MEGF11: variants seen among roughly 807,000 people sequenced by gnomAD.
MEGF11 encodes multiple EGF like domains 11, also known as multiple epidermal growth factor-like domains protein 11.
Under a neutral mutation model 146.6 loss-of-function variants are expected in MEGF11, and 126 were observed. The ratio of observed to expected loss-of-function variants is 0.86; its 90% CI spans 0.74 to 1.00. The LOEUF (loss-of-function observed/expected upper bound fraction) is 1.00. Ranked by LOEUF, MEGF11 falls within the 50% of genes least tolerant of loss-of-function variation. MEGF11 has a pLI of 0.00. For synonymous variants in MEGF11, 532 were observed against 583.4 expected (o/e 0.91, Z 1.27); for missense variants, 1,509 against 1,521.2 (o/e 0.99, Z 0.13).
intron 1 of MEGF11, among the ~76,000 whole-genome samples, chr15:66,227,959 G>A (rs1567291473): frequency 6.6e-6 from 1 of 152,088 alleles, no homozygotes; most frequent in Non-Finnish European, 1.5e-5. Context: ...GGGCATCTGG[G>A]GTGAGGCCAC....
rs66595752 is a variant in MEGF11 at position 66,150,823 on chromosome 15, C to CGAGA, written c.-8-22416_-8-22413dup. Among the ~76,000 whole-genome samples the CGAGA allele has an allele frequency of 2.9e-3, 306 of 104,342 alleles. 5 individuals carry two copies. Among genetic ancestry groups the CGAGA allele is most frequent in the African/African-American group, 6.4e-3 (164 of 25,776 alleles). 68.5% of individuals were successfully genotyped at this position (104,342 alleles called of 152,430 possible). Reference sequence around the variant, plus strand: ...CCTGGGCAATAGAGCAATGCCCTGTCGAGAGAGAGAGAGAGAGAGAGAGAG... The same window carrying CGAGA: ...CCTGGGCAATAGAGCAATGCCCTGTCGAGAGAGAGAGAGAGAGAGAGAGAGAGAG... On this transcript the variant is annotated intron_variant, in intron 1 of 25. Coordinates refer to ENST00000395614, the MANE Select transcript of MEGF11 (RefSeq NM_001385028.1).
intron 5 of MEGF11, among the ~76,000 whole-genome samples, chr15:66,057,877 T>G (rs1456273000): frequency 6.6e-6 from 1 of 152,226 alleles, no homozygotes; most frequent in Non-Finnish European, 1.5e-5. Context: ...GTCTTCTCAA[T>G]ACTTTATTGT....
intron 6 of MEGF11, among the ~76,000 whole-genome samples, chr15:65,981,589 T>C (rs542180470): frequency 4.8e-4 from 73 of 152,278 alleles, no homozygotes; most frequent in African/African-American, 1.8e-3. Flanking sequence ...ATCTAGGCTG[T>C]TGGAGAGGCC....
intron 4 of MEGF11, among the ~76,000 whole-genome samples, chr15:66,098,193 G>T (rs11633590): frequency 2.0e-5 from 3 of 151,946 alleles, no homozygotes; most frequent in Non-Finnish European, 4.4e-5. Flanking sequence ...TAAGCAGGCC[G>T]GGACCCAGGA....
chr15:66,140,042 G>A (rs755385962), intron 1 of MEGF11, among the ~76,000 whole-genome samples: 35 of 152,042 alleles, frequency 2.3e-4, no homozygotes, highest in Non-Finnish European at 4.0e-4. Context: ...AGTCCTCACC[G>A]GCGCATTTCA....
chr15:66,215,979 T>C (rs889908013), intron 1 of MEGF11, among the ~76,000 whole-genome samples: 1 of 152,152 alleles, frequency 6.6e-6, no homozygotes, highest in Non-Finnish European at 1.5e-5. Context: ...TAAAGGGAAT[T>C]ATGCACATAA....
chr15:65,916,900 C>T lies in MEGF11; in HGVS notation c.2143G>A (p.Gly715Arg), dbSNP rs199594287. ...ACFHACSCHNGASCSAEDGAC... is the reference protein window; with the variant it reads ...ACFHACSCHNRASCSAEDGAC... The stretch of plus-strand genomic sequence containing the variant: ...CCGTCCTCGGCGCTGCAGCTCGCCC[C>T]GTTGTGGCAGCTGCATGCGTGGAAG... Residue 715 changes from glycine (G) to arginine (R), a missense_variant, in exon 17 of 26, where the codon GGG (glycine) becomes AGG (arginine). Physicochemically the swap from Gly to Arg is moderately radical, Grantham distance 125. Transcript: ENST00000395614. 360 of 1,580,508 alleles carry T rather than the reference C, an allele frequency of 2.3e-4. 3 individuals are homozygous for T. The highest frequency in any genetic ancestry group is 2.0e-3 in the South Asian group (169 of 86,228).
intron 1 of MEGF11, among the ~76,000 whole-genome samples, chr15:66,222,533 C>T (rs1416414252): frequency 6.6e-6 from 1 of 152,192 alleles, no homozygotes; most frequent in Non-Finnish European, 1.5e-5. Context: ...GTGTTCGTCT[C>T]CCGCACAATT....
rs1320121266 is a variant in MEGF11 at position 65,972,287 on chromosome 15, C to G, written c.763-1598G>C. The stretch of plus-strand genomic sequence containing the variant: ...TTCCCAGAATGGAAGGATGGAGAAC[C>G]TGGGTTTCTGAACTGAAAAGGCCTA... On this transcript the variant is annotated intron_variant, in intron 7 of 25. Coordinates refer to ENST00000395614, the MANE Select transcript of MEGF11 (RefSeq NM_001385028.1). Among the ~76,000 whole-genome samples, 3 of 152,100 alleles carry G rather than the reference C, an allele frequency of 2.0e-5. No homozygotes were observed. The East Asian group carries it at 5.8e-4, about 29-fold the overall frequency.
intron 9 of MEGF11, among the ~76,000 whole-genome samples, chr15:65,964,193 C>T (rs994728937): frequency 6.6e-6 from 1 of 152,194 alleles, no homozygotes; most frequent in Non-Finnish European, 1.5e-5. Flanking sequence ...GGAGCAGTAG[C>T]CCAGAACAGC....
chr15:66,172,547 G>A (rs1365901599), intron 1 of MEGF11, among the ~76,000 whole-genome samples: 1 of 152,118 alleles, frequency 6.6e-6, no homozygotes, highest in Admixed American at 6.5e-5. Context: ...CCTGTGTCAT[G>A]AAGATCACAG....
At chr15:65,915,304 T>C (rs866050287) in intron 19 of MEGF11, among the ~76,000 whole-genome samples, 166 bp downstream of exon 19, 5 of 152,210 alleles carry the variant, frequency 3.3e-5, no homozygotes, top group South Asian at 2.1e-4. Flanking sequence ...CTGCTCCTTA[T>C]GCCTCTTCAG....
intron 1 of MEGF11, among the ~76,000 whole-genome samples, chr15:66,252,708 T>A (rs2092393537): frequency 6.6e-6 from 1 of 152,206 alleles, no homozygotes; most frequent in Non-Finnish European, 1.5e-5. Flanking sequence ...TTTTAAGTAG[T>A]ATTTTTTCTA....
intron 1 of MEGF11, among the ~76,000 whole-genome samples, chr15:66,148,727 C>T (rs2089460239): frequency 6.6e-6 from 1 of 152,206 alleles, no homozygotes; most frequent in Admixed American, 6.5e-5. Context: ...TTGACAAGCA[C>T]AGGGTTGAGG....
At chr15:66,247,362 A>C (rs1433113760) in intron 1 of MEGF11, among the ~76,000 whole-genome samples, 1 of 152,228 alleles carries the variant, frequency 6.6e-6, no homozygotes, top group African/African-American at 2.4e-5. Flanking sequence ...CTAATCAAGT[A>C]TAATTATGGT....
intron 1 of MEGF11, among the ~76,000 whole-genome samples, chr15:66,171,061 A>G (rs1461615354): frequency 7.2e-5 from 11 of 152,142 alleles, no homozygotes; most frequent in African/African-American, 2.4e-4. Context: ...AAAGCACCCC[A>G]GGAAGTCACA....
intron 7 of MEGF11, among the ~76,000 whole-genome samples, chr15:65,976,002 C>CCTGCTGCA (rs981598139): frequency 1.3e-4 from 19 of 150,882 alleles, no homozygotes; most frequent in African/African-American, 4.4e-4. Context: ...TGGTTTCTCT[C>CCTGCTGCA]CTGCTGCAAT....
chr15:66,086,995 G>A (rs1201354781), intron 5 of MEGF11, among the ~76,000 whole-genome samples: 1 of 152,102 alleles, frequency 6.6e-6, no homozygotes, highest in African/African-American at 2.4e-5. Context: ...TCATGCAACT[G>A]GACACCAAAA....
At chr15:66,250,943 TA>T (rs1423128249) in intron 1 of MEGF11, among the ~76,000 whole-genome samples, 3 of 147,506 alleles carry the variant, frequency 2.0e-5, no homozygotes, top group Admixed American at 2.0e-4. Flanking sequence ...AGGGGCAAAA[TA>T]ATGAGAATGA....
Sources: gnomAD v4.1 joint callset for allele counts (sites outside exome capture counted in the v4.1 genomes callset) on GRCh38, gnomAD v4.1.1 for gene constraint, MANE v1.5 for transcripts, NCBI Gene and HGNC (gene_info 2026-07-23, HGNC 2026-07-21) for gene names.